ARID1B: variants seen among roughly 807,000 people sequenced by gnomAD.
The protein encoded by ARID1B is AT-rich interaction domain 1B, also known as AT-rich interactive domain-containing protein 1B.
In ARID1B, 30 loss-of-function variants were observed where a neutral mutation model predicts 212.3. That is an observed-to-expected ratio of 0.14 (90% CI 0.11 to 0.19). The LOEUF (loss-of-function observed/expected upper bound fraction) is 0.19. ARID1B is among the 10% of genes least tolerant of loss of function. The probability of loss-of-function intolerance (pLI) is 1.00; values close to 1 mark genes in which losing one functional copy is unlikely to be tolerated. For synonymous variants in ARID1B, 1,402 were observed against 1,301.7 expected (o/e 1.08, Z -1.66); for missense variants, 2,891 against 3,204.0 (o/e 0.90, Z 2.36).
At position 156,949,571 on chromosome 6, in the gene ARID1B, A is replaced by G. The variant is rs150918131; in HGVS notation, c.2247+13995A>G. ...AGCATTCCTTTCCTATGAGCAAGGA[A>G]CTGGAACAGGCGGCTGACTCTTGTC... On this transcript the variant is annotated intron_variant, in intron 4 of 19. Transcript: ENST00000636930. Among the ~76,000 whole-genome samples the G allele has an allele frequency of 6.7e-4, 102 of 152,282 alleles. 2 individuals carry two copies. The highest frequency in any genetic ancestry group is 4.2e-3 in the East Asian group (22 of 5,184).
chr6:157,172,313 C>T (rs1303257302), intron 9 of ARID1B, among the ~76,000 whole-genome samples: 3 of 152,168 alleles, frequency 2.0e-5, no homozygotes, highest in Non-Finnish European at 4.4e-5. Flanking sequence ...CACACATTCA[C>T]AAAAATAACA....
chr6:156,810,437 G>A (rs1024920371), intron 1 of ARID1B, among the ~76,000 whole-genome samples: 65 of 152,306 alleles, frequency 4.3e-4, no homozygotes, highest in Middle Eastern at 3.4e-3. Context: ...CTGGAGCTGC[G>A]TTGGATTCCT....
chr6:156,967,746 G>T (rs1029166819), intron 4 of ARID1B, among the ~76,000 whole-genome samples: 5 of 152,042 alleles, frequency 3.3e-5, no homozygotes, highest in African/African-American at 7.3e-5. Context: ...TATTAATGAG[G>T]TCAAATTATT....
chr6:157,207,212 C>T lies in ARID1B; in HGVS notation c.6440C>T (p.Thr2147Met), dbSNP rs139429265. The T allele has an allele frequency of 1.2e-6, 2 of 1,614,060 alleles. No individual in the cohort carries two copies. The highest frequency in any genetic ancestry group is 8.5e-7 in the Non-Finnish European group (1 of 1,180,048). The change falls in exon 20 of 20, where the codon ACG becomes ATG. Residue 2147 changes from threonine to methionine, a missense_variant. Coordinates refer to ENST00000636930, the MANE Select transcript of ARID1B (RefSeq NM_001374828.1). The surrounding 1 kb of genome is among the most constrained non-coding windows in gnomAD (Gnocchi z 8.5). ...TGCCTCGAGGTCTTGAGGGATAACA[C>T]GTTGGTCACGTTGGCCAACATTTCC... The part of the protein sequence containing the change: ...WDCLEVLRDN[T>M]LVTLANISGQ...
chr6:156,968,233 T>C (rs1257270785), intron 4 of ARID1B, among the ~76,000 whole-genome samples: 1 of 152,240 alleles, frequency 6.6e-6, no homozygotes, highest in Non-Finnish European at 1.5e-5. Context: ...TTTAGTCTAT[T>C]GTAAATTGAC....
chr6:157,050,237 TAACTC>T (rs777462087), intron 4 of ARID1B, among the ~76,000 whole-genome samples: 169 of 152,238 alleles, frequency 1.1e-3, no homozygotes, highest in Non-Finnish European at 1.9e-3. Flanking sequence ...GAACAACAGA[TAACTC>T]AATTTAAAAA....
rs534178355 is a variant in ARID1B at position 157,015,289 on chromosome 6, A to G, written c.2248-69373A>G. 5.9e-5 allele frequency among the ~76,000 whole-genome samples: 9 copies of G among 152,352 alleles called. No individual in the cohort carries two copies. In the East Asian group the frequency reaches 1.7e-3, roughly 29 times the overall value. ...GGGCAGATTGGGAAATAGTTTGTCA[A>G]TAACTGACAATACAGAAGTTAGTTA... On this transcript the variant is annotated intron_variant, in intron 4 of 19. Transcript: ENST00000636930.
chr6:156,952,301 C>T (rs1053504902), intron 4 of ARID1B, among the ~76,000 whole-genome samples: 1 of 152,204 alleles, frequency 6.6e-6, no homozygotes, highest in African/African-American at 2.4e-5. Flanking sequence ...ATGCATGCCA[C>T]TAATAGCTTA....
At chr6:157,093,543 C>T (rs1785419988) in intron 5 of ARID1B, among the ~76,000 whole-genome samples, 1 of 152,186 alleles carries the variant, frequency 6.6e-6, no homozygotes, top group Non-Finnish European at 1.5e-5. Context: ...GGAATGCCTT[C>T]ACTAATCCTA....
chr6:157,113,809 G>C (rs962522452), intron 6 of ARID1B, among the ~76,000 whole-genome samples: 16 of 152,216 alleles, frequency 1.1e-4, no homozygotes, highest in Admixed American at 1.0e-3. Context: ...TAAAATGACT[G>C]TTACGTTAGA....
At chr6:156,909,327 T>C (rs950254956) in intron 3 of ARID1B, among the ~76,000 whole-genome samples, 2 of 152,032 alleles carry the variant, frequency 1.3e-5, no homozygotes, top group Admixed American at 6.5e-5. Flanking sequence ...GGTTTCACCA[T>C]GTTGGCCAGG....
At chr6:156,963,520 T>G (rs1160067281) in intron 4 of ARID1B, among the ~76,000 whole-genome samples, 1 of 152,246 alleles carries the variant, frequency 6.6e-6, no homozygotes, top group Non-Finnish European at 1.5e-5. Context: ...ATAAGCCTGT[T>G]TAAGAAAATA....
Position 156,992,827 on chromosome 6 carries a change from C to T in ARID1B, c.2247+57251C>T, listed in dbSNP as rs971002593. On this transcript the variant is annotated intron_variant, in intron 4 of 19. Coordinates refer to ENST00000636930, the MANE Select transcript of ARID1B (RefSeq NM_001374828.1). The stretch of plus-strand genomic sequence containing the variant: ...CAGGCACAGCATTGGAGGGAGCCGC[C>T]GGCTGCAGACTGGATTGCCTAGCAC... Among the ~76,000 whole-genome samples, 8 of 152,112 alleles carry T rather than the reference C, an allele frequency of 5.3e-5. No individual in the cohort carries two copies. In the South Asian group the frequency reaches 8.3e-4, roughly 16 times the overall value.
Position 157,148,730 on chromosome 6 carries a change from G to A in ARID1B, c.2868G>A (p.Gly956=), listed in dbSNP as rs2128634255. The A allele has an allele frequency of 1.2e-6, 2 of 1,613,172 alleles. No individual in the cohort carries two copies. Among genetic ancestry groups the A allele is most frequent in the East Asian group, 2.2e-5 (1 of 44,878 alleles). ...CCAACAACCAGATGCATGGACAAGGGCCAAGCCAGCCATGTGGTGCTGTGC... is the reference window on the plus strand; with the variant it reads ...CCAACAACCAGATGCATGGACAAGGACCAAGCCAGCCATGTGGTGCTGTGC... ...ISANNQMHGQ[G]PSQPCGAVPL... is the part of the protein sequence containing the mutation. The change falls in exon 8 of 20, where the codon GGG becomes GGA. Residue 956 remains glycine, a synonymous_variant. Coordinates refer to ENST00000636930, the MANE Select transcript of ARID1B (RefSeq NM_001374828.1). The surrounding 1 kb of genome is among the most constrained non-coding windows in gnomAD (Gnocchi z 5.6).
chr6:156,897,968 A>C (rs539142088), intron 2 of ARID1B, among the ~76,000 whole-genome samples: 1 of 152,210 alleles, frequency 6.6e-6, no homozygotes, highest in Non-Finnish European at 1.5e-5. Flanking sequence ...CCAGGAGCTT[A>C]TATTCTAGTG....
intron 4 of ARID1B, among the ~76,000 whole-genome samples, chr6:157,004,916 T>TTTTTTTTTTTTTTTTGTTTTTTTTTTG (rs1779147817): frequency 8.6e-6 from 1 of 116,476 alleles, no homozygotes; most frequent in Admixed American, 8.8e-5. Context: ...TTTTTTTTTT[T>TTTTTTTTTTTTTTTTGTTTTTTTTTTG]TTTTTTTTTT....
chr6:156,800,752 A>G (rs138129616), intron 1 of ARID1B, among the ~76,000 whole-genome samples: 1 of 151,478 alleles, frequency 6.6e-6, no homozygotes, highest in African/African-American at 2.4e-5. Flanking sequence ...ACAAAAAATT[A>G]AAAAATTAGC....
intron 4 of ARID1B, among the ~76,000 whole-genome samples, chr6:157,009,425 A>G (rs1779432291): frequency 6.6e-6 from 1 of 152,192 alleles, no homozygotes; most frequent in Non-Finnish European, 1.5e-5. Context: ...AATAGCGGAA[A>G]AGTTGGCCCT....
chr6:157,029,801 C>A (rs529276086), intron 4 of ARID1B, among the ~76,000 whole-genome samples: 1 of 152,144 alleles, frequency 6.6e-6, no homozygotes, highest in Non-Finnish European at 1.5e-5. Context: ...AGGCGGGAGC[C>A]ACGTGGTTTA....
Sources: allele counts gnomAD v4.1 joint callset (sites outside exome capture counted in the v4.1 genomes callset), GRCh38; gene constraint gnomAD v4.1.1; non-coding constraint Gnocchi (gnomAD v3.1); transcripts MANE v1.5; gene names NCBI Gene and HGNC (gene_info 2026-07-23, HGNC 2026-07-21).